SNTG1: variants seen among roughly 807,000 people sequenced by gnomAD.
The protein encoded by SNTG1 is gamma-1-syntrophin.
SNTG1 carries 39 observed loss-of-function variants against 74.7 expected under a neutral mutation model. The ratio of observed to expected loss-of-function variants is 0.52; its 90% CI spans 0.40 to 0.68. SNTG1 has a LOEUF of 0.68. Among genes scored for constraint, SNTG1 ranks in the 30% least tolerant of loss-of-function variants. SNTG1 has a pLI of 0.00. For missense variants in SNTG1, 685 were observed against 609.5 expected (o/e 1.12, Z -1.30); for synonymous variants, 254 against 217.1 (o/e 1.17, Z -1.49).
chr8:50,780,682 C>CT (rs989976523), intron 18 of SNTG1, among the ~76,000 whole-genome samples: 1 of 151,790 alleles, frequency 6.6e-6, no homozygotes, highest in Non-Finnish European at 1.5e-5. Context: ...TTTTTGAAGG[C>CT]TTTTTTGTGT....
At chr8:50,133,711 C>G (rs2081385331) in intron 1 of SNTG1, among the ~76,000 whole-genome samples, 1 of 152,114 alleles carries the variant, frequency 6.6e-6, no homozygotes. Flanking sequence ...CACATGGCAT[C>G]CTCATTGTGT....
At chr8:50,584,591 G>A (rs1049487877) in intron 12 of SNTG1, among the ~76,000 whole-genome samples, 3 of 146,930 alleles carry the variant, frequency 2.0e-5, no homozygotes, top group African/African-American at 7.5e-5. Flanking sequence ...CGATGACACT[G>A]AGAGAGTCCA....
chr8:50,488,488 A>G (rs574920088), intron 8 of SNTG1, among the ~76,000 whole-genome samples: 1 of 152,186 alleles, frequency 6.6e-6, no homozygotes, highest in East Asian at 1.9e-4. Context: ...TCACTGATCT[A>G]TTTAAAATAA....
At chr8:50,641,006 C>T (rs1437345922) in intron 13 of SNTG1, among the ~76,000 whole-genome samples, 1 of 152,162 alleles carries the variant, frequency 6.6e-6, no homozygotes, top group Non-Finnish European at 1.5e-5. Flanking sequence ...CCCCAGCATA[C>T]ATGCTCAGTT....
At chr8:50,502,450 T>C (rs1487989048) in intron 8 of SNTG1, among the ~76,000 whole-genome samples, 1 of 152,192 alleles carries the variant, frequency 6.6e-6, no homozygotes, top group Admixed American at 6.5e-5. Context: ...ATAAATACAG[T>C]GACCTGAACA....
rs532379712 is a variant in SNTG1, at chr8:50,517,200, C to T, written c.467-12977C>T. Among the ~76,000 whole-genome samples, 257 of 152,130 alleles carry T rather than the reference C, an allele frequency of 1.7e-3. 1 individual carries two copies. Among genetic ancestry groups the T allele is most frequent in the African/African-American group, 6.0e-3 (248 of 41,498 alleles). Reference sequence around the variant, plus strand: ...ATTACATATCCAGCCAAACTAAGCTCCATAAGCGAAGGAAAACTAAAATTC... The same window carrying T: ...ATTACATATCCAGCCAAACTAAGCTTCATAAGCGAAGGAAAACTAAAATTC... On this transcript the variant is annotated intron_variant, in intron 9 of 18. Coordinates refer to ENST00000642720, the MANE Select transcript of SNTG1 (RefSeq NM_018967.5).
At chr8:50,472,690 A>G (rs1336229818) in intron 8 of SNTG1, among the ~76,000 whole-genome samples, 1 of 152,126 alleles carries the variant, frequency 6.6e-6, no homozygotes, top group Non-Finnish European at 1.5e-5. Context: ...AAAATGAAAA[A>G]CTTCTGTGCA....
chr8:50,397,924 T>G (rs1395479171), intron 3 of SNTG1, among the ~76,000 whole-genome samples: 1 of 152,218 alleles, frequency 6.6e-6, no homozygotes, highest in Non-Finnish European at 1.5e-5. Context: ...TTAATACTTC[T>G]TGTCACACAG....
At chr8:50,418,335 T>C (rs1049734723) in intron 4 of SNTG1, among the ~76,000 whole-genome samples, 12 of 152,140 alleles carry the variant, frequency 7.9e-5, no homozygotes, top group African/African-American at 2.9e-4. Flanking sequence ...AATATTTTCT[T>C]ACGGGCTTCT....
chr8:50,380,413 C>A lies in SNTG1; in HGVS notation c.-27-13799C>A, dbSNP rs111226330. Among the ~76,000 whole-genome samples the A allele has an allele frequency of 6.0e-4, 92 of 152,268 alleles. 1 individual carries two copies. The highest frequency in any genetic ancestry group is 2.0e-3 in the African/African-American group (84 of 41,552). On this transcript the variant is annotated intron_variant, in intron 2 of 18. Coordinates refer to ENST00000642720, the MANE Select transcript of SNTG1 (RefSeq NM_018967.5). The stretch of plus-strand genomic sequence containing the variant: ...ACAAAGAGATAGGAGATAAATTTTG[C>A]ATATTTCATTATTTTGCCTAGAGCA...
intron 2 of SNTG1, among the ~76,000 whole-genome samples, chr8:50,393,883 A>G (rs1444085484): frequency 6.6e-6 from 1 of 152,190 alleles, no homozygotes; most frequent in African/African-American, 2.4e-5. Flanking sequence ...AGGTTTCACA[A>G]TGCATGTTGG....
chr8:50,384,741 T>A (rs113078997), intron 2 of SNTG1, among the ~76,000 whole-genome samples: 1 of 152,134 alleles, frequency 6.6e-6, no homozygotes, highest in African/African-American at 2.4e-5. Flanking sequence ...CATGAGACCA[T>A]AGGTGTGGGC....
chr8:49,952,041 G>A (rs891163991), intron 1 of SNTG1, among the ~76,000 whole-genome samples: 1 of 152,072 alleles, frequency 6.6e-6, no homozygotes, highest in Non-Finnish European at 1.5e-5. Flanking sequence ...ATCTCAAGAA[G>A]ATTTTGGAGC....
intron 2 of SNTG1, among the ~76,000 whole-genome samples, chr8:50,329,092 T>C (rs2090861881): frequency 6.6e-6 from 1 of 152,182 alleles, no homozygotes. Context: ...TTTTACTCCA[T>C]GTCTCACATC....
intron 5 of SNTG1, among the ~76,000 whole-genome samples, chr8:50,444,345 A>G (rs539244975): frequency 2.0e-5 from 3 of 152,302 alleles, no homozygotes. Context: ...CTATAAGTGC[A>G]TGGACGTGCT....
rs181716471 is a variant in SNTG1 at position 50,627,363 on chromosome 8, C to T, written c.850-29546C>T. Among the ~76,000 whole-genome samples the T allele has an allele frequency of 4.3e-3, 656 of 152,260 alleles. 9 individuals are homozygous for T. The highest frequency in any genetic ancestry group is 0.014 in the African/African-American group (595 of 41,550). ...TTAAAGCTGCTATAAACAAGGCTTG[C>T]AGGAGTGGGTCCTCTCTTGCTCATC... is the stretch of plus-strand genomic sequence containing the variant. On this transcript the variant is annotated intron_variant, in intron 13 of 18. Coordinates refer to ENST00000642720, the MANE Select transcript of SNTG1 (RefSeq NM_018967.5).
chr8:50,219,603 G>T (rs1364254340), intron 2 of SNTG1, among the ~76,000 whole-genome samples: 2 of 152,106 alleles, frequency 1.3e-5, no homozygotes, highest in Non-Finnish European at 2.9e-5. Context: ...GTGCTATATA[G>T]CTGGAGCAGG....
intron 1 of SNTG1, among the ~76,000 whole-genome samples, chr8:50,067,041 T>A (rs936359553): frequency 4.6e-5 from 7 of 152,206 alleles, no homozygotes; most frequent in African/African-American, 1.7e-4. Flanking sequence ...TTCTTTTTTT[T>A]TGAAAGACAT....
chr8:50,089,805 G>A (rs1476735999), intron 1 of SNTG1, among the ~76,000 whole-genome samples: 9 of 152,240 alleles, frequency 5.9e-5, no homozygotes, highest in African/African-American at 1.2e-4. Context: ...TTACACTGTC[G>A]GTGGGACTGT....
Sources: gnomAD v4.1 joint callset for allele counts (sites outside exome capture counted in the v4.1 genomes callset) on GRCh38, gnomAD v4.1.1 for gene constraint, MANE v1.5 for transcripts, NCBI Gene and HGNC (gene_info 2026-07-23, HGNC 2026-07-21) for gene names.